Variants in BRD7 observed in about 807,000 individuals in gnomAD.
The protein encoded by BRD7 is bromodomain containing 7.
Under a neutral mutation model 82.1 loss-of-function variants are expected in BRD7, and 15 were observed. That is an observed-to-expected ratio of 0.18 (90% CI 0.12 to 0.28). The LOEUF (loss-of-function observed/expected upper bound fraction) is 0.28. BRD7 is among the 10% of genes least tolerant of loss of function. The probability of loss-of-function intolerance (pLI) is 1.00; values close to 1 mark genes in which losing one functional copy is unlikely to be tolerated. For missense variants in BRD7, 638 were observed against 779.9 expected, an observed-to-expected ratio of 0.82 and a Z score of 2.17; for synonymous variants, 232 against 266.9, an observed-to-expected ratio of 0.87 and a Z score of 1.27.
Position 50,323,564 on chromosome 16 carries a change from GT to G in BRD7, c.1443+22del, listed in dbSNP as rs1159978602. On this transcript the variant is annotated intron_variant, in intron 12 of 16. Coordinates refer to ENST00000394688, the MANE Select transcript of BRD7 (RefSeq NM_013263.5). ...TTGAGAGTCGATAATAAATTACCCT[GT>G]TTTCATTAGCAGTGTTCTTACCATC... 4.7e-6 allele frequency: 7 copies of G among 1,497,730 alleles called. No individual in the cohort carries two copies. In the South Asian group the frequency reaches 7.9e-5, roughly 17 times the overall value. 92.8% of individuals were successfully genotyped at this position (1,497,730 alleles called of 1,614,324 possible).
rs1435670640 is a variant in BRD7 at position 50,319,841 on chromosome 16, T to G, written c.1900+46A>C. The stretch of plus-strand genomic sequence containing the variant: ...TCGGGCAGACACTGAGGGATGACTA[T>G]AGTCACCATAGCTTTCTGCTTTCCC... On this transcript the variant is annotated intron_variant, in intron 16 of 16. Transcript: ENST00000394688. The G allele has an allele frequency of 9.4e-6, 15 of 1,592,144 alleles. 1 individual carries two copies. The South Asian group carries it at 1.4e-4, about 15-fold the overall frequency.
At position 50,368,238 on chromosome 16, in the gene BRD7, A is replaced by C; in HGVS notation, c.110T>G (p.Leu37Arg). 6.2e-7 allele frequency: 1 copy of C among 1,613,972 alleles called. No homozygotes were observed. The highest frequency in any genetic ancestry group is 8.5e-7 in the Non-Finnish European group (1 of 1,180,002). Residue 37 changes from leucine to arginine, a missense_variant, in exon 2 of 17, where the codon CTC (leucine) becomes CGC (arginine). Physicochemically the swap from Leu to Arg is moderately radical, Grantham distance 102. This residue lies in a region of BRD7 where 172 missense variants were observed against 155.3 expected (regional missense o/e 1.11). Coordinates refer to ENST00000394688, the MANE Select transcript of BRD7 (RefSeq NM_013263.5). ...LKVGGNEVTE[L>R]STGSSGHDSS... ...GTCGTGCCCCGAGCTGCCCGTGGAG[A>C]GTTCGGTGACTTCGTTCCCTCCTAC...
At chr16:50,358,830 C>T (rs2038838310) in intron 2 of BRD7, among the ~76,000 whole-genome samples, 1 of 152,190 alleles carries the variant, frequency 6.6e-6, no homozygotes, top group African/African-American at 2.4e-5. Context: ...TTGGAAACTA[C>T]CCTAAACTGA....
rs1459297516 is a variant in BRD7, at chr16:50,368,269, G to T, written c.79C>A (p.Leu27Ile). The T allele has an allele frequency of 6.2e-7, 1 of 1,614,140 alleles. No homozygotes were observed. Among genetic ancestry groups the T allele is most frequent in the South Asian group, 1.1e-5 (1 of 91,078 alleles). The change falls in exon 2 of 17, where the codon CTC becomes ATC. Residue 27 changes from leucine to isoleucine, a missense_variant. This residue lies in a region of BRD7 where 172 missense variants were observed against 155.3 expected (regional missense o/e 1.11). Coordinates refer to ENST00000394688, the MANE Select transcript of BRD7 (RefSeq NM_013263.5). ...GTGACTTCGTTCCCTCCTACTTTGA[G>T]GACCAGCTTCAAGGGCTTCTCTACA... ...EYVEKPLKLV[L>I]KVGGNEVTEL...
chr16:50,354,945 ATT>A, intron 2 of BRD7, 23 bp from the exon 3 acceptor site: 1 of 1,606,814 alleles, frequency 6.2e-7, no homozygotes, highest in Non-Finnish European at 8.5e-7. Flanking sequence ...AAGGGAGATA[ATT>A]TAGAAATATT....
intron 4 of BRD7, among the ~76,000 whole-genome samples, chr16:50,353,599 T>G (rs988768928): frequency 6.6e-6 from 1 of 151,810 alleles, no homozygotes; most frequent in Admixed American, 6.6e-5. Flanking sequence ...ATTTATTTAT[T>G]TATTTATTTT....
Position 50,333,707 on chromosome 16 carries a change from T to A in BRD7, c.888-10A>T. On this transcript the variant is annotated splice_polypyrimidine_tract_variant and intron_variant, in intron 7 of 16. Transcript: ENST00000394688. ...CATATCTTTGTCTTTCCTGAAAATA[T>A]ACATTAATACTAAGTAAAAAAAAAA... 1.4e-6 allele frequency: 2 copies of A among 1,454,536 alleles called. No individual in the cohort carries two copies. Among genetic ancestry groups the A allele is most frequent in the Non-Finnish European group, 1.8e-6 (2 of 1,085,134 alleles). The allele number at this position is 1,454,536 out of a possible 1,614,324, so 90.1% of individuals were successfully genotyped here. A position where few individuals can be genotyped will look rare whatever the true frequency, so the allele number is the denominator to read the frequency against.
In BRD7 at chr16:50,337,250, AT is replaced by A. The variant is rs1282667246; in HGVS notation, c.703-2356del. Among the ~76,000 whole-genome samples the A allele has an allele frequency of 2.4e-4, 33 of 134,812 alleles. No homozygotes were observed. In the South Asian group the frequency reaches 7.4e-3, roughly 30 times the overall value. The allele number at this position is 134,812 out of a possible 152,430, so 88.4% of individuals were successfully genotyped here. ...ATAAAAAGTTACTCTTCATCTGTTC[AT>A]TCTTCTTTTTTTTTTTTTTTTTTTT... On this transcript the variant is annotated intron_variant, in intron 6 of 16. Transcript: ENST00000394688.
At chr16:50,332,258 C>T (rs1035426971) in intron 8 of BRD7, among the ~76,000 whole-genome samples, 1 of 125,066 alleles carries the variant, frequency 8.0e-6, no homozygotes, top group Admixed American at 7.3e-5. Context: ...ACTAACTACG[C>T]ATCCAATAAA....
Position 50,320,190 on chromosome 16 carries a change from A to C in BRD7, c.1756+58T>G, listed in dbSNP as rs2037031999. The stretch of plus-strand genomic sequence containing the variant: ...CTATAGTGGCATCACCACTGTACTC[A>C]AGAAGTTTTTTCTTTGAAGCATCCC... On this transcript the variant is annotated intron_variant, in intron 15 of 16. Transcript: ENST00000394688. 3.8e-6 allele frequency: 6 copies of C among 1,568,104 alleles called. No homozygotes were observed. The South Asian group carries it at 6.0e-5, about 16-fold the overall frequency.
At chr16:50,329,719 T>C (rs1207054492) in intron 8 of BRD7, among the ~76,000 whole-genome samples, 1 of 152,214 alleles carries the variant, frequency 6.6e-6, no homozygotes, top group East Asian at 1.9e-4. Context: ...ATGGCCACTT[T>C]TGTGGGCTGC....
chr16:50,360,741 G>A (rs1260663016), intron 2 of BRD7, among the ~76,000 whole-genome samples: 11 of 152,198 alleles, frequency 7.2e-5, no homozygotes, highest in Admixed American at 7.2e-4. Context: ...GATAATAGGT[G>A]TCAGGTAAAT....
intron 5 of BRD7, among the ~76,000 whole-genome samples, chr16:50,343,937 G>C (rs910768195): frequency 6.6e-6 from 1 of 152,236 alleles, no homozygotes; most frequent in Admixed American, 6.5e-5. Context: ...CATGGAGTTT[G>C]AGATCTGAGA....
chr16:50,326,738 G>T (rs2037356524), intron 9 of BRD7, among the ~76,000 whole-genome samples: 1 of 152,134 alleles, frequency 6.6e-6, no homozygotes, highest in Admixed American at 6.5e-5. Context: ...CAGTACAAAG[G>T]TTAGTAAAAG....
chr16:50,363,637 GTGTT>G (rs1205958638), intron 2 of BRD7, among the ~76,000 whole-genome samples: 15 of 72,234 alleles, frequency 2.1e-4, no homozygotes, highest in African/African-American at 9.4e-4. Flanking sequence ...TTTACGTTGT[GTGTT>G]TGTGTGTGTG....
At position 50,334,766 on chromosome 16, in the gene BRD7, C is replaced by T; in HGVS notation, c.832G>A (p.Asp278Asn). ...GCGTGTGCTTCGGCATCTCCAGAGTCCTCTCTCTCTCTCTGCCAGCAGCCT... is the reference window on the plus strand; with the variant it reads ...GCGTGTGCTTCGGCATCTCCAGAGTTCTCTCTCTCTCTCTGCCAGCAGCCT... The part of the protein sequence containing the change: ...DGGCWQRERE[D>N]SGDAEAHAFK... The change falls in exon 7 of 17, where the codon GAC becomes AAC. Residue 278 changes from aspartate (D) to asparagine (N), a missense_variant. By Grantham distance (23) the Asp-to-Asn change is conservative. Around this residue, in one of 3 missense-constraint regions of BRD7, gnomAD observed 402 missense variants for 500.8 expected, o/e 0.80. Coordinates refer to ENST00000394688, the MANE Select transcript of BRD7 (RefSeq NM_013263.5). 6.5e-7 allele frequency: 1 copy of T among 1,541,234 alleles called. No individual in the cohort carries two copies.
chr16:50,346,541 C>G (rs1387432933), intron 5 of BRD7, among the ~76,000 whole-genome samples: 1 of 151,758 alleles, frequency 6.6e-6, no homozygotes, highest in African/African-American at 2.4e-5. Context: ...AAGAAGAAAA[C>G]AGAGAAGAAT....
intron 11 of BRD7, 31 bp downstream of exon 11, chr16:50,325,717 A>G (rs779186640): frequency 3.2e-6 from 5 of 1,561,958 alleles, no homozygotes; most frequent in Non-Finnish European, 4.3e-6. Context: ...TTTTTAAACA[A>G]ATGTAATCAG....
At chr16:50,344,390 G>A (rs150958783) in intron 5 of BRD7, among the ~76,000 whole-genome samples, 7 of 152,264 alleles carry the variant, frequency 4.6e-5, no homozygotes, top group African/African-American at 9.6e-5. Flanking sequence ...TGCCAGCAAC[G>A]GAACAAAGCT....
Sources: allele counts gnomAD v4.1 joint callset (sites outside exome capture counted in the v4.1 genomes callset), GRCh38; gene constraint gnomAD v4.1.1; regional missense constraint gnomAD v4.1.1; transcripts MANE v1.5; gene names NCBI Gene and HGNC (gene_info 2026-07-23, HGNC 2026-07-21).